MTMR12: variants seen among roughly 807,000 people sequenced by gnomAD.
The protein encoded by MTMR12 is myotubularin-related protein 12.
A neutral mutation model predicts 96.7 loss-of-function variants in MTMR12; 33 were observed. The ratio of observed to expected loss-of-function variants is 0.34; its 90% CI spans 0.26 to 0.46. The LOEUF (loss-of-function observed/expected upper bound fraction) is 0.46, where lower values mean the gene tolerates loss of function less well. Among genes scored for constraint, MTMR12 ranks in the 20% least tolerant of loss-of-function variants. The pLI is 1.00. For synonymous variants in MTMR12, 298 were observed against 327.2 expected (o/e 0.91, Z 0.96); for missense variants, 721 against 896.1 (o/e 0.80, Z 2.49).
chr5:32,233,634 T>C lies in MTMR12; in HGVS notation c.1674+139A>G, dbSNP rs544416674. On this transcript the variant is annotated intron_variant, in intron 15 of 15. Transcript: ENST00000382142. The surrounding 1 kb of genome is among the most constrained non-coding windows in gnomAD (Gnocchi z 5.0). ...AAGGATTCTAATGGCCCTTGACAAT[T>C]TGACCATCACAAGTCTCAACTCTGC... 9 of 1,215,516 alleles carry C rather than the reference T, an allele frequency of 7.4e-6. No homozygotes were observed. The highest frequency in any genetic ancestry group is 7.1e-5 in the East Asian group (3 of 42,384). The allele number at this position is 1,215,516 out of a possible 1,614,324, so 75.3% of individuals were successfully genotyped here. A position where few individuals can be genotyped will look rare whatever the true frequency, so the allele number is the denominator to read the frequency against.
intron 12 of MTMR12, among the ~76,000 whole-genome samples, chr5:32,240,182 CG>C (rs1748409294): frequency 6.6e-6 from 1 of 151,996 alleles, no homozygotes; most frequent in Non-Finnish European, 1.5e-5. Context: ...GGGTGGATCA[CG>C]ATGTCAGGAG....
intron 6 of MTMR12, among the ~76,000 whole-genome samples, chr5:32,264,400 T>C (rs1342305043): frequency 3.3e-5 from 5 of 152,000 alleles, no homozygotes; most frequent in African/African-American, 9.6e-5. Context: ...ATAAGAATAA[T>C]GATGATGATA....
At position 32,244,486 on chromosome 5, in the gene MTMR12, G is replaced by A. The variant is rs554670032; in HGVS notation, c.1022-887C>T. Among the ~76,000 whole-genome samples, 113 of 152,312 alleles carry A rather than the reference G, an allele frequency of 7.4e-4. 1 individual carries two copies. The highest frequency in any genetic ancestry group is 1.3e-3 in the Non-Finnish European group (90 of 68,030). On this transcript the variant is annotated intron_variant, in intron 10 of 15. Transcript: ENST00000382142. ...CATGCCTGTAATCCCAGCCACTTGG[G>A]AGGCTGAGGCAGGAGAATTGCTTGA...
At chr5:32,244,614 T>C (rs1748606454) in intron 10 of MTMR12, among the ~76,000 whole-genome samples, 1 of 152,044 alleles carries the variant, frequency 6.6e-6, no homozygotes, top group Non-Finnish European at 1.5e-5. Context: ...AAAAAAAAGT[T>C]GCAAACTCAA....
At chr5:32,236,824 C>T (rs147482580) in intron 13 of MTMR12, among the ~76,000 whole-genome samples, 87 of 147,066 alleles carry the variant, frequency 5.9e-4, no homozygotes, top group African/African-American at 2.0e-3. Flanking sequence ...GCAACACGAG[C>T]GAAACTCCTT....
At chr5:32,276,569 T>G in intron 2 of MTMR12, 113 bp downstream of exon 2, 1 of 864,762 alleles carries the variant, frequency 1.2e-6, no homozygotes, top group Non-Finnish European at 1.8e-6. Flanking sequence ...TTCATTACTG[T>G]TATATGTGAG....
rs570218895 is a variant in MTMR12 at position 32,306,530 on chromosome 5, A to G, written c.81+6228T>C. 3.3e-5 allele frequency among the ~76,000 whole-genome samples: 5 copies of G among 152,318 alleles called. No homozygotes were observed. The South Asian group carries it at 1.0e-3, about 32-fold the overall frequency. On this transcript the variant is annotated intron_variant, in intron 1 of 15. Transcript: ENST00000382142. Reference sequence around the variant, plus strand: ...GAATACATTTTTTCCTGAGGGATAAATGAAAAAATAAAAAAATAGCTATTA... The same window carrying G: ...GAATACATTTTTTCCTGAGGGATAAGTGAAAAAATAAAAAAATAGCTATTA...
At position 32,312,841 on chromosome 5, in the gene MTMR12, C is replaced by G. The variant is rs1751659059; in HGVS notation, c.-3G>C. ...CCGACTACTCCTTTCCCCAGCATAC[C>G]GCCGCCCTGGGAAGCAGCGACGCGC... On this transcript the variant is annotated 5_prime_UTR_variant, in exon 1 of 16. Coordinates refer to ENST00000382142, the MANE Select transcript of MTMR12 (RefSeq NM_001040446.3). This position sits in a 1 kb window ranked among gnomAD's most constrained non-coding sequence, Gnocchi z 5.0. 1 of 1,524,968 alleles carries G rather than the reference C, an allele frequency of 6.6e-7. No homozygotes were observed. The highest frequency in any genetic ancestry group is 8.8e-7 in the Non-Finnish European group (1 of 1,140,074). 94.5% of individuals were successfully genotyped at this position (1,524,968 alleles called of 1,614,324 possible).
chr5:32,267,177 A>G (rs2112072165), intron 6 of MTMR12, among the ~76,000 whole-genome samples: 1 of 151,978 alleles, frequency 6.6e-6, no homozygotes, highest in East Asian at 1.9e-4. Context: ...GGAGTTCAAG[A>G]GCAGCCTGGC....
At chr5:32,305,233 C>T (rs531144948) in intron 1 of MTMR12, among the ~76,000 whole-genome samples, 4 of 152,178 alleles carry the variant, frequency 2.6e-5, no homozygotes, top group Admixed American at 6.5e-5. Context: ...GAATTACAGG[C>T]GTTCGCTACC....
At chr5:32,284,494 T>C (rs781221576) in intron 1 of MTMR12, among the ~76,000 whole-genome samples, 10 of 152,160 alleles carry the variant, frequency 6.6e-5, no homozygotes, top group Non-Finnish European at 1.3e-4. Context: ...GAGCAGTAGA[T>C]AGGCCCAGCA....
At chr5:32,281,899 CAAAA>C (rs201071153) in intron 1 of MTMR12, among the ~76,000 whole-genome samples, 3 of 121,404 alleles carry the variant, frequency 2.5e-5, no homozygotes, top group Admixed American at 8.5e-5. Flanking sequence ...GACTCCGTCT[CAAAA>C]AAAAAAAAAA....
At chr5:32,252,017 C>T (rs184843506) in intron 8 of MTMR12, among the ~76,000 whole-genome samples, 4 of 152,254 alleles carry the variant, frequency 2.6e-5, no homozygotes, top group Admixed American at 2.0e-4. Flanking sequence ...TACTGCTGGG[C>T]GGGACAAAGC....
intron 1 of MTMR12, among the ~76,000 whole-genome samples, chr5:32,278,628 C>G (rs1750153330): frequency 6.6e-6 from 1 of 152,180 alleles, no homozygotes. Context: ...TCTAAACACT[C>G]TCTGGCACCC....
chr5:32,308,438 G>A (rs1384834265), intron 1 of MTMR12, among the ~76,000 whole-genome samples: 4 of 152,120 alleles, frequency 2.6e-5, no homozygotes, highest in African/African-American at 9.7e-5. Flanking sequence ...GTGTCCTGAG[G>A]AACTCCTCCC....
chr5:32,280,560 C>T (rs971859795), intron 1 of MTMR12, among the ~76,000 whole-genome samples: 3 of 152,104 alleles, frequency 2.0e-5, no homozygotes, highest in African/African-American at 7.2e-5. Context: ...TATCTTAAAA[C>T]AAAATTTTTT....
intron 11 of MTMR12, among the ~76,000 whole-genome samples, chr5:32,242,596 A>C (rs897320013): frequency 3.3e-5 from 5 of 151,750 alleles, no homozygotes; most frequent in Non-Finnish European, 5.9e-5. Flanking sequence ...TGTTGCCGCT[A>C]TTCCCAGCTT....
intron 8 of MTMR12, 115 bp from the exon 9 acceptor site, chr5:32,248,993 G>A (rs1748805366): frequency 2.6e-6 from 2 of 754,832 alleles, no homozygotes; most frequent in Non-Finnish European, 4.6e-6. Context: ...TGAAATGGCT[G>A]GACATACTTA....
At chr5:32,299,064 C>CACACAT (rs796251540) in intron 1 of MTMR12, among the ~76,000 whole-genome samples, 2 of 151,620 alleles carry the variant, frequency 1.3e-5, no homozygotes, top group African/African-American at 2.4e-5. Context: ...CGCACACACA[C>CACACAT]ACACATACAC....
Sources: allele counts gnomAD v4.1 joint callset (sites outside exome capture counted in the v4.1 genomes callset), GRCh38; gene constraint gnomAD v4.1.1; non-coding constraint Gnocchi (gnomAD v3.1); transcripts MANE v1.5; gene names NCBI Gene and HGNC (gene_info 2026-07-23, HGNC 2026-07-21).